GUCY1A2: variants seen among roughly 807,000 people sequenced by gnomAD.
GUCY1A2 encodes the protein guanylate cyclase soluble subunit alpha-2.
GUCY1A2 carries 27 observed loss-of-function variants against 63.5 expected under a neutral mutation model. The observed-to-expected ratio is 0.43, with a 90% CI of 0.31 to 0.59. GUCY1A2 has a LOEUF of 0.59. Among genes scored for constraint, GUCY1A2 ranks in the 20% least tolerant of loss-of-function variants. The pLI is 0.11. For synonymous variants in GUCY1A2, 364 were observed against 343.5 expected (o/e 1.06, Z -0.66); for missense variants, 768 against 913.3 (o/e 0.84, Z 2.05).
At chr11:106,886,970 TAC>T (rs1859909147) in intron 4 of GUCY1A2, among the ~76,000 whole-genome samples, 1 of 152,116 alleles carries the variant, frequency 6.6e-6, no homozygotes, top group Admixed American at 6.5e-5. Flanking sequence ...TCTGCCTTTG[TAC>T]AGAGAGGCAT....
chr11:106,944,215 C>CAA lies in GUCY1A2; in HGVS notation c.488-4039_488-4038dup, dbSNP rs71041701. On this transcript the variant is annotated intron_variant, in intron 3 of 7. Transcript: ENST00000526355. Reference sequence around the variant, plus strand: ...GGGCAACAGAGTGAGACCCTGTCTCCAAAAAAAAAAAAAAAAAAAAAGCAG... The same window carrying CAA: ...GGGCAACAGAGTGAGACCCTGTCTCCAAAAAAAAAAAAAAAAAAAAAAAGCAG... Among the ~76,000 whole-genome samples the CAA allele has an allele frequency of 7.6e-3, 163 of 21,560 alleles. 18 individuals are homozygous for CAA. In the Admixed American group the frequency reaches 0.077, roughly 10 times the overall value. The allele number at this position is 21,560 out of a possible 152,430, so 14.1% of individuals were successfully genotyped here. A position where few individuals can be genotyped will look rare whatever the true frequency, so the allele number is the denominator to read the frequency against.
At chr11:106,870,636 C>G (rs963541781) in intron 4 of GUCY1A2, among the ~76,000 whole-genome samples, 2 of 151,944 alleles carry the variant, frequency 1.3e-5, no homozygotes, top group Admixed American at 6.6e-5. Flanking sequence ...TGCGTATGAC[C>G]TTCAGAAAGA....
intron 7 of GUCY1A2, among the ~76,000 whole-genome samples, chr11:106,700,583 C>T (rs537786138): frequency 6.6e-5 from 10 of 152,128 alleles, no homozygotes; most frequent in East Asian, 1.9e-4. Flanking sequence ...CTTGAGGCAC[C>T]GCTCCAGTTT....
intron 2 of GUCY1A2, among the ~76,000 whole-genome samples, chr11:106,985,496 A>G (rs564928278): frequency 1.4e-4 from 21 of 152,222 alleles, no homozygotes; most frequent in Non-Finnish European, 2.6e-4. Flanking sequence ...TCACAGTTTA[A>G]AAAAGAGATA....
chr11:106,714,746 T>TG (rs35092011), intron 6 of GUCY1A2, among the ~76,000 whole-genome samples: 20,700 of 152,042 alleles, frequency 0.14, 1,552 homozygotes, highest in Admixed American at 0.2. Flanking sequence ...TTCTCACAAC[T>TG]GGGAGGGAGA....
At position 106,870,107 on chromosome 11, in the gene GUCY1A2, A is replaced by ACG. The variant is rs1555042942; in HGVS notation, c.1207-59630_1207-59629insCG. Among the ~76,000 whole-genome samples the ACG allele has an allele frequency of 4.8e-3, 213 of 43,980 alleles. 4 individuals carry two copies. Among genetic ancestry groups the ACG allele is most frequent in the Non-Finnish European group, 8.1e-3 (181 of 22,430 alleles). 28.9% of individuals were successfully genotyped at this position (43,980 alleles called of 152,430 possible). A position where few individuals can be genotyped will look rare whatever the true frequency, so the allele number is the denominator to read the frequency against. On this transcript the variant is annotated intron_variant, in intron 4 of 7. Transcript: ENST00000526355. Reference sequence around the variant, plus strand: ...ACATCACACACCAGGGCCTCTTGTGAGGGGGGGGGAGGGGGGAGGGATAGC... The same window carrying ACG: ...ACATCACACACCAGGGCCTCTTGTGACGGGGGGGGGGAGGGGGGAGGGATAGC...
chr11:106,931,920 A>T (rs770954212), intron 4 of GUCY1A2, among the ~76,000 whole-genome samples: 8 of 152,154 alleles, frequency 5.3e-5, no homozygotes, highest in Non-Finnish European at 1.2e-4. Context: ...TATTATATTC[A>T]TTTACTAAAA....
chr11:106,821,903 C>A (rs962676257), intron 4 of GUCY1A2, among the ~76,000 whole-genome samples: 2 of 151,926 alleles, frequency 1.3e-5, no homozygotes, highest in African/African-American at 4.8e-5. Context: ...CGTTTCAATT[C>A]TGTGGATTAA....
intron 4 of GUCY1A2, among the ~76,000 whole-genome samples, chr11:106,905,418 G>A (rs1333206726): frequency 6.6e-6 from 1 of 152,070 alleles, no homozygotes; most frequent in African/African-American, 2.4e-5. Context: ...AGGTTCTAGT[G>A]AGGGCACCAG....
intron 5 of GUCY1A2, among the ~76,000 whole-genome samples, chr11:106,799,602 C>G (rs1163439131): frequency 6.6e-6 from 1 of 152,146 alleles, no homozygotes; most frequent in Non-Finnish European, 1.5e-5. Flanking sequence ...CTACAACTAT[C>G]TGATCTTTGA....
chr11:106,892,631 A>C (rs952261220), intron 4 of GUCY1A2, among the ~76,000 whole-genome samples: 4 of 150,480 alleles, frequency 2.7e-5, no homozygotes, highest in Admixed American at 6.7e-5. Flanking sequence ...CTCCTTCAAC[A>C]AAGAATGTTC....
chr11:106,741,805 G>A (rs1167812908), intron 6 of GUCY1A2, among the ~76,000 whole-genome samples: 1 of 152,184 alleles, frequency 6.6e-6, no homozygotes, highest in Non-Finnish European at 1.5e-5. Context: ...TTATCATGAA[G>A]ATGATAGATT....
intron 4 of GUCY1A2, among the ~76,000 whole-genome samples, chr11:106,810,963 C>A (rs1858754408): frequency 6.6e-6 from 1 of 152,102 alleles, no homozygotes; most frequent in East Asian, 1.9e-4. Flanking sequence ...CATTTTTCAA[C>A]TATTATAGTA....
At position 106,756,690 on chromosome 11, in the gene GUCY1A2, C is replaced by G. The variant is rs1217734830; in HGVS notation, c.1836+19749G>C. 3.9e-5 allele frequency among the ~76,000 whole-genome samples: 6 copies of G among 152,316 alleles called. No individual in the cohort carries two copies. In the East Asian group the frequency reaches 9.6e-4, roughly 24 times the overall value. On this transcript the variant is annotated intron_variant, in intron 6 of 7. Transcript: ENST00000526355. The stretch of plus-strand genomic sequence containing the variant: ...AATATTAGCTCCCACTCTCTTCTGG[C>G]TTTTAGGGTTTTTGCCGAGAGATCT...
intron 6 of GUCY1A2, among the ~76,000 whole-genome samples, chr11:106,758,432 C>T (rs1864010419): frequency 6.6e-6 from 1 of 152,160 alleles, no homozygotes; most frequent in African/African-American, 2.4e-5. Flanking sequence ...AAAGGGAAAT[C>T]CCCCACCCCT....
At chr11:106,974,542 C>T (rs993175334) in intron 3 of GUCY1A2, among the ~76,000 whole-genome samples, 2 of 151,976 alleles carry the variant, frequency 1.3e-5, no homozygotes, top group African/African-American at 2.4e-5. Context: ...GAGTTCCATA[C>T]CAGCTAAAGA....
intron 7 of GUCY1A2, among the ~76,000 whole-genome samples, chr11:106,690,992 TA>T (rs1862613782): frequency 6.6e-6 from 1 of 152,224 alleles, no homozygotes; most frequent in Non-Finnish European, 1.5e-5. Flanking sequence ...TTACTATTAA[TA>T]TATAATCAGT....
At chr11:106,882,271 G>A (rs937680205) in intron 4 of GUCY1A2, among the ~76,000 whole-genome samples, 9 of 151,998 alleles carry the variant, frequency 5.9e-5, no homozygotes, top group Admixed American at 3.9e-4. Context: ...TTGTAGAGAT[G>A]TGGAGATTCT....
chr11:106,780,583 T>C (rs1171095731), intron 5 of GUCY1A2, among the ~76,000 whole-genome samples: 1 of 152,138 alleles, frequency 6.6e-6, no homozygotes, highest in Non-Finnish European at 1.5e-5. Flanking sequence ...GTACAGGAGC[T>C]CTTAAAGCTT....
Sources: allele counts gnomAD v4.1 joint callset (sites outside exome capture counted in the v4.1 genomes callset), GRCh38; gene constraint gnomAD v4.1.1; transcripts MANE v1.5; gene names NCBI Gene and HGNC (gene_info 2026-07-23, HGNC 2026-07-21).